ABCA13: variants seen among roughly 807,000 people sequenced by gnomAD.
ABCA13 encodes the protein ATP-binding cassette sub-family A member 13.
ABCA13 carries 476 observed loss-of-function variants against 478.7 expected under a neutral mutation model. The ratio of observed to expected loss-of-function variants is 0.99; its 90% CI spans 0.92 to 1.07. The LOEUF is 1.07. ABCA13 is among the 50% of genes least tolerant of loss of function. The probability of loss-of-function intolerance (pLI) is 0.00; values close to 1 mark genes in which losing one functional copy is unlikely to be tolerated. For synonymous variants in ABCA13, 2,252 were observed against 2,158.9 expected, an observed-to-expected ratio of 1.04 and a Z score of -1.20; for missense variants, 6,060 against 5,910.6, an observed-to-expected ratio of 1.03 and a Z score of -0.83.
chr7:48,262,471 T>A (rs1794327566), intron 15 of ABCA13, among the ~76,000 whole-genome samples: 1 of 151,976 alleles, frequency 6.6e-6, no homozygotes, highest in South Asian at 2.1e-4. Context: ...TCTTTTGATT[T>A]CTTTTTCTTG....
At chr7:48,621,843 C>T (rs1586013014) in intron 59 of ABCA13, among the ~76,000 whole-genome samples, 1 of 152,180 alleles carries the variant, frequency 6.6e-6, no homozygotes, top group Non-Finnish European at 1.5e-5. Context: ...AAAGCATTTT[C>T]CTGATGCTGG....
At chr7:48,613,432 CA>C (rs1366459544) in intron 58 of ABCA13, among the ~76,000 whole-genome samples, 1 of 152,080 alleles carries the variant, frequency 6.6e-6, no homozygotes, top group Non-Finnish European at 1.5e-5. Flanking sequence ...TCAGGTGATC[CA>C]CCCACCTCGG....
chr7:48,380,923 C>T (rs556232170), intron 35 of ABCA13, among the ~76,000 whole-genome samples: 2 of 152,310 alleles, frequency 1.3e-5, no homozygotes, highest in South Asian at 4.1e-4. Flanking sequence ...CTGGCCTGAT[C>T]AGCCCAGGGC....
chr7:48,424,714 G>T (rs1563233884), intron 41 of ABCA13, among the ~76,000 whole-genome samples: 1 of 152,172 alleles, frequency 6.6e-6, no homozygotes, highest in African/African-American at 2.4e-5. Context: ...GGATGTTAGG[G>T]TTACCTGAAA....
intron 42 of ABCA13, among the ~76,000 whole-genome samples, chr7:48,452,189 C>A (rs549849131): frequency 1.8e-4 from 28 of 152,182 alleles, no homozygotes; most frequent in Non-Finnish European, 4.0e-4. Context: ...TTTACTATGA[C>A]TCCGGGTCAA....
intron 10 of ABCA13, among the ~76,000 whole-genome samples, chr7:48,243,589 T>C (rs149770777): frequency 7.2e-4 from 110 of 152,338 alleles, no homozygotes; most frequent in African/African-American, 2.3e-3. Context: ...AGAATTATCA[T>C]TGGGACCTTG....
At chr7:48,625,460 C>T (rs1195796672) in intron 59 of ABCA13, among the ~76,000 whole-genome samples, 2 of 152,190 alleles carry the variant, frequency 1.3e-5, no homozygotes, top group African/African-American at 4.8e-5. Flanking sequence ...TTTAAAGCAT[C>T]ATATAATTCA....
chr7:48,632,881 A>G (rs1169237612), intron 59 of ABCA13, among the ~76,000 whole-genome samples: 1 of 152,204 alleles, frequency 6.6e-6, no homozygotes, highest in African/African-American at 2.4e-5. Flanking sequence ...AAAAGTATGA[A>G]GCTGGGCCCC....
At chr7:48,510,598 A>G (rs1831586355) in intron 50 of ABCA13, among the ~76,000 whole-genome samples, 1 of 152,180 alleles carries the variant, frequency 6.6e-6, no homozygotes, top group Non-Finnish European at 1.5e-5. Context: ...CAGGCTGGGT[A>G]GCTTCACCCC....
chr7:48,317,952 A>G (rs889761594), intron 27 of ABCA13, among the ~76,000 whole-genome samples: 5 of 152,074 alleles, frequency 3.3e-5, no homozygotes, highest in Non-Finnish European at 5.9e-5. Context: ...ATTTTCCTGG[A>G]GTCTTTTCTT....
At chr7:48,614,061 T>C (rs529521141) in intron 58 of ABCA13, among the ~76,000 whole-genome samples, 1 of 149,290 alleles carries the variant, frequency 6.7e-6, no homozygotes, top group Non-Finnish European at 1.5e-5. Context: ...TAAGGTAATA[T>C]TTAATATTTA....
intron 55 of ABCA13, among the ~76,000 whole-genome samples, chr7:48,566,420 T>C (rs1319955127): frequency 1.3e-5 from 2 of 152,182 alleles, no homozygotes; most frequent in East Asian, 3.9e-4. Flanking sequence ...TGCAAGTGCA[T>C]GGAAACCGTA....
intron 16 of ABCA13, among the ~76,000 whole-genome samples, chr7:48,271,421 A>C (rs1348481816): frequency 6.6e-6 from 1 of 152,196 alleles, no homozygotes; most frequent in African/African-American, 2.4e-5. Context: ...GCACTCCACT[A>C]TCTGTGCTAC....
chr7:48,207,010 T>A (rs1785018687), intron 3 of ABCA13, among the ~76,000 whole-genome samples: 1 of 152,160 alleles, frequency 6.6e-6, no homozygotes, highest in Non-Finnish European at 1.5e-5. Flanking sequence ...TTCTACTCTC[T>A]GTCTCTATGA....
At chr7:48,357,866 G>A (rs117581536) in intron 31 of ABCA13, among the ~76,000 whole-genome samples, 2,647 of 151,834 alleles carry the variant, frequency 0.017, 32 homozygotes, top group Middle Eastern at 0.051. Context: ...GTTTTCGGCC[G>A]GGTGTGGTGG....
At chr7:48,500,833 C>T (rs1830674991) in intron 48 of ABCA13, among the ~76,000 whole-genome samples, 1 of 152,146 alleles carries the variant, frequency 6.6e-6, no homozygotes, top group South Asian at 2.1e-4. Flanking sequence ...TAGAAAGCTC[C>T]CCGACTTCCT....
At chr7:48,515,433 A>C (rs537114985) in intron 51 of ABCA13, among the ~76,000 whole-genome samples, 1 of 152,310 alleles carries the variant, frequency 6.6e-6, no homozygotes, top group African/African-American at 2.4e-5. Context: ...GACGGAATGA[A>C]GAAAATGAGA....
chr7:48,413,266 G>T (rs17132314), intron 41 of ABCA13, among the ~76,000 whole-genome samples: 16,664 of 152,182 alleles, frequency 0.11, 1,013 homozygotes, highest in East Asian at 0.15. Context: ...CTGGCCCCAT[G>T]CTGGGTATCC....
At chr7:48,387,602 G>A (rs1166913017) in intron 35 of ABCA13, among the ~76,000 whole-genome samples, 1 of 152,110 alleles carries the variant, frequency 6.6e-6, no homozygotes, top group East Asian at 1.9e-4. Flanking sequence ...TGGCTGAGAG[G>A]GGGTTTTAGC....
Sources: allele counts gnomAD v4.1 joint callset (sites outside exome capture counted in the v4.1 genomes callset), GRCh38; gene constraint gnomAD v4.1.1; transcripts MANE v1.5; gene names NCBI Gene and HGNC (gene_info 2026-07-23, HGNC 2026-07-21).